The following CNTNAP2 variants were observed in gnomAD, a reference collection of about 807,000 sequenced individuals.
CNTNAP2 encodes contactin-associated protein-like 2.
In CNTNAP2, 98 loss-of-function variants were observed where a neutral mutation model predicts 155.2. The ratio of observed to expected loss-of-function variants is 0.63; its 90% CI spans 0.54 to 0.75. The LOEUF (loss-of-function observed/expected upper bound fraction) is 0.75. Among genes scored for constraint, CNTNAP2 ranks in the 30% least tolerant of loss-of-function variants. The pLI, the probability that CNTNAP2 is intolerant of heterozygous loss-of-function variation, is 0.00. For missense variants in CNTNAP2, 1,727 were observed against 1,688.1 expected, an observed-to-expected ratio of 1.02 and a Z score of -0.40; for synonymous variants, 651 against 631.2, an observed-to-expected ratio of 1.03 and a Z score of -0.47.
chr7:147,172,094 T>C (rs558354368), intron 8 of CNTNAP2, among the ~76,000 whole-genome samples: 83 of 152,310 alleles, frequency 5.4e-4, no homozygotes, highest in African/African-American at 1.9e-3. Flanking sequence ...CCACTTTTAT[T>C]ACCTTTCTTA....
intron 1 of CNTNAP2, among the ~76,000 whole-genome samples, chr7:146,578,392 C>T (rs1008108222): frequency 4.6e-5 from 7 of 152,038 alleles, no homozygotes; most frequent in South Asian, 2.1e-4. Flanking sequence ...CTTGTACCTG[C>T]GTCTTAGACA....
chr7:148,220,263 C>T (rs918694986), intron 19 of CNTNAP2, among the ~76,000 whole-genome samples: 5 of 152,102 alleles, frequency 3.3e-5, no homozygotes, highest in Admixed American at 6.5e-5. Flanking sequence ...CCACAACGCC[C>T]GGCTAATTTT....
chr7:147,505,121 C>A (rs1528518), intron 11 of CNTNAP2, among the ~76,000 whole-genome samples: 1 of 151,798 alleles, frequency 6.6e-6, no homozygotes, highest in Non-Finnish European at 1.5e-5. Flanking sequence ...AAAGCTCACT[C>A]CGGGCCCCTG....
intron 4 of CNTNAP2, among the ~76,000 whole-genome samples, chr7:147,107,767 G>T (rs1206127949): frequency 1.3e-5 from 2 of 151,964 alleles, no homozygotes; most frequent in Admixed American, 6.6e-5. Flanking sequence ...AAATCATGAA[G>T]AATTATCATT....
intron 1 of CNTNAP2, among the ~76,000 whole-genome samples, chr7:146,397,870 G>T (rs1795653562): frequency 2.6e-5 from 3 of 117,494 alleles, no homozygotes; most frequent in African/African-American, 1.4e-4. Context: ...AATTTGACAG[G>T]CTTTTATTTA....
At chr7:148,086,982 G>T (rs142878191) in intron 15 of CNTNAP2, among the ~76,000 whole-genome samples, 1 of 152,224 alleles carries the variant, frequency 6.6e-6, no homozygotes, top group East Asian at 1.9e-4. Flanking sequence ...TATAGACTTG[G>T]CCTGTTGGAA....
intron 11 of CNTNAP2, among the ~76,000 whole-genome samples, chr7:147,502,790 A>G (rs543281791): frequency 1.5e-5 from 2 of 134,024 alleles, no homozygotes; most frequent in Admixed American, 7.6e-5. Flanking sequence ...CATTTTAAAT[A>G]TATACAATTT....
intron 1 of CNTNAP2, among the ~76,000 whole-genome samples, chr7:146,272,742 G>A (rs549031907): frequency 2.6e-5 from 4 of 152,142 alleles, no homozygotes; most frequent in Non-Finnish European, 5.9e-5. Context: ...AGAGGCAATA[G>A]ATTGAGGAGT....
rs777123073 is a variant in CNTNAP2, at chr7:147,396,368, G to C, written c.1670+588G>C. Among the ~76,000 whole-genome samples, 53 of 151,554 alleles carry C rather than the reference G, an allele frequency of 3.5e-4. 2 individuals are homozygous for C. The highest frequency in any genetic ancestry group is 9.7e-5 in the African/African-American group (4 of 41,292). ...TCTCTTTCTGTCTCAATCATGACTT[G>C]GCCTCAGCATGTGCCTTCCAAAACC... On this transcript the variant is annotated intron_variant, in intron 10 of 23. Coordinates refer to ENST00000361727, the MANE Select transcript of CNTNAP2 (RefSeq NM_014141.6).
At chr7:147,044,333 C>T (rs768999853) in intron 4 of CNTNAP2, among the ~76,000 whole-genome samples, 4 of 151,642 alleles carry the variant, frequency 2.6e-5, no homozygotes, top group Non-Finnish European at 5.9e-5. Context: ...TTTTTTTGTT[C>T]AATAGACTAA....
chr7:146,903,818 C>A (rs1796057035), intron 3 of CNTNAP2, among the ~76,000 whole-genome samples: 1 of 151,954 alleles, frequency 6.6e-6, no homozygotes. Flanking sequence ...ATAGTGACTG[C>A]CATTAGTAAT....
chr7:148,021,558 C>T (rs542923547), intron 15 of CNTNAP2, among the ~76,000 whole-genome samples: 1 of 152,160 alleles, frequency 6.6e-6, no homozygotes, highest in Non-Finnish European at 1.5e-5. Flanking sequence ...TGTGGGAGAA[C>T]GGAAGGCCTC....
At chr7:146,883,636 C>T (rs1254796276) in intron 3 of CNTNAP2, among the ~76,000 whole-genome samples, 1 of 152,122 alleles carries the variant, frequency 6.6e-6, no homozygotes, top group Non-Finnish European at 1.5e-5. Context: ...TAAGTACATA[C>T]AGCCAATACA....
At chr7:148,311,567 GC>G (rs1426434773) in intron 21 of CNTNAP2, among the ~76,000 whole-genome samples, 1 of 152,188 alleles carries the variant, frequency 6.6e-6, no homozygotes, top group African/African-American at 2.4e-5. Flanking sequence ...GTTAAGAGTT[GC>G]CAGTCCTGGG....
At chr7:146,662,438 AG>A (rs1346388575) in intron 1 of CNTNAP2, among the ~76,000 whole-genome samples, 3 of 151,762 alleles carry the variant, frequency 2.0e-5, no homozygotes, top group Admixed American at 6.6e-5. Flanking sequence ...CACCCAGCCC[AG>A]TTTGTTTTGT....
chr7:148,112,113 G>T lies in CNTNAP2; in HGVS notation c.2384-6005G>T, dbSNP rs190294161. On this transcript the variant is annotated intron_variant, in intron 15 of 23. Transcript: ENST00000361727. ...TCCAGGGGACAAAAACGTGACTGCAGATGGCCTGATGTGTGCAATGTTGGA... is the reference window on the plus strand; with the variant it reads ...TCCAGGGGACAAAAACGTGACTGCATATGGCCTGATGTGTGCAATGTTGGA... Among the ~76,000 whole-genome samples the T allele has an allele frequency of 1.0e-3, 156 of 152,320 alleles. 1 individual carries two copies. Among genetic ancestry groups the T allele is most frequent in the Middle Eastern group, 0.01 (3 of 294 alleles).
At chr7:147,743,207 A>C (rs951949446) in intron 13 of CNTNAP2, among the ~76,000 whole-genome samples, 2 of 152,196 alleles carry the variant, frequency 1.3e-5, no homozygotes, top group African/African-American at 4.8e-5. Flanking sequence ...ACCTGGTCAT[A>C]TGCGATGTCC....
At chr7:147,093,113 T>C (rs1002576444) in intron 4 of CNTNAP2, among the ~76,000 whole-genome samples, 4 of 150,998 alleles carry the variant, frequency 2.6e-5, no homozygotes, top group East Asian at 2.0e-4. Context: ...TGGTGGCGGA[T>C]GCCTGTAGTC....
At chr7:146,538,860 A>T (rs1451968474) in intron 1 of CNTNAP2, among the ~76,000 whole-genome samples, 2 of 152,154 alleles carry the variant, frequency 1.3e-5, no homozygotes, top group East Asian at 3.9e-4. Flanking sequence ...AAAATTTATT[A>T]TAAAATGTAG....
Sources: allele counts gnomAD v4.1 joint callset (sites outside exome capture counted in the v4.1 genomes callset), GRCh38; gene constraint gnomAD v4.1.1; transcripts MANE v1.5; gene names NCBI Gene and HGNC (gene_info 2026-07-23, HGNC 2026-07-21).